NCAM2: variants seen among roughly 807,000 people sequenced by gnomAD.
NCAM2 encodes N-CAM-2.
In NCAM2, 30 loss-of-function variants were observed where a neutral mutation model predicts 98.1. The ratio of observed to expected loss-of-function variants is 0.31; its 90% confidence interval spans 0.23 to 0.41. The LOEUF (loss-of-function observed/expected upper bound fraction) is 0.41. NCAM2 is among the 10% of genes least tolerant of loss of function. The pLI is 1.00. For synonymous variants in NCAM2, 368 were observed against 342.4 expected, an observed-to-expected ratio of 1.07 and a Z score of -0.83; for missense variants, 867 against 1,005.8, an observed-to-expected ratio of 0.86 and a Z score of 1.87.
intron 1 of NCAM2, among the ~76,000 whole-genome samples, chr21:21,093,145 G>A (rs557154586): frequency 6.6e-6 from 1 of 152,056 alleles, no homozygotes; most frequent in Admixed American, 6.6e-5. Context: ...TTTGAATAAG[G>A]TGATGCTTAA....
At chr21:21,009,883 C>CTGTGTGTGTGTGTGTG (rs5842868) in intron 1 of NCAM2, among the ~76,000 whole-genome samples, 16,052 of 139,442 alleles carry the variant, frequency 0.12, 1,042 homozygotes, top group South Asian at 0.17. Flanking sequence ...CCTCTGATAG[C>CTGTGTGTGTGTGTGTG]TGTGTGTGTG....
intron 1 of NCAM2, among the ~76,000 whole-genome samples, chr21:21,200,360 A>C (rs981420920): frequency 6.7e-6 from 1 of 150,184 alleles, no homozygotes; most frequent in East Asian, 2.0e-4. Context: ...TAGTCCGTCA[A>C]CTCTCAGGAA....
At chr21:21,114,099 T>C (rs1442573731) in intron 1 of NCAM2, among the ~76,000 whole-genome samples, 1 of 152,094 alleles carries the variant, frequency 6.6e-6, no homozygotes, top group African/African-American at 2.4e-5. Context: ...TGAATACTTG[T>C]GAACAAAGAA....
chr21:21,117,413 G>A (rs893667042), intron 1 of NCAM2, among the ~76,000 whole-genome samples: 1 of 152,116 alleles, frequency 6.6e-6, no homozygotes, highest in Non-Finnish European at 1.5e-5. Flanking sequence ...TAAATATCTT[G>A]TAGAGGTTTC....
intron 9 of NCAM2, among the ~76,000 whole-genome samples, chr21:21,408,370 G>T (rs193213977): frequency 1.1e-4 from 17 of 152,284 alleles, no homozygotes; most frequent in Non-Finnish European, 1.9e-4. Flanking sequence ...TTTATGGGAT[G>T]TTAAGTTGTT....
chr21:21,269,538 C>A (rs1401129030), intron 1 of NCAM2, among the ~76,000 whole-genome samples: 2 of 152,086 alleles, frequency 1.3e-5, no homozygotes, highest in Non-Finnish European at 2.9e-5. Flanking sequence ...CTACACATGC[C>A]TTGTAATATT....
intron 1 of NCAM2, among the ~76,000 whole-genome samples, chr21:21,160,445 T>C (rs73226377): frequency 2.6e-5 from 4 of 152,196 alleles, no homozygotes; most frequent in South Asian, 2.1e-4. Flanking sequence ...AATATGAGAA[T>C]GGCTATTTTA....
intron 1 of NCAM2, among the ~76,000 whole-genome samples, chr21:21,051,550 C>G (rs1018696587): frequency 2.6e-5 from 4 of 152,154 alleles, no homozygotes; most frequent in African/African-American, 9.7e-5. Context: ...GTTTGCAACT[C>G]AGGTTTCTTA....
chr21:21,017,476 T>TATAGAGGGAGA (rs1243209592), intron 1 of NCAM2, among the ~76,000 whole-genome samples: 23 of 143,728 alleles, frequency 1.6e-4, no homozygotes, highest in African/African-American at 5.2e-4. Flanking sequence ...CAGAGTCTTC[T>TATAGAGGGAGA]ATAGAGGGAG....
intron 1 of NCAM2, among the ~76,000 whole-genome samples, chr21:21,078,295 A>T (rs146217592): frequency 6.6e-6 from 1 of 152,320 alleles, no homozygotes; most frequent in African/African-American, 2.4e-5. Flanking sequence ...AAAAAGATAA[A>T]TTAGTTCATT....
At chr21:21,448,701 A>G (rs532733000) in intron 12 of NCAM2, among the ~76,000 whole-genome samples, 59 of 152,174 alleles carry the variant, frequency 3.9e-4, no homozygotes, top group South Asian at 1.7e-3. Flanking sequence ...CTAAATGACT[A>G]TATTTCATAT....
At chr21:21,284,146 A>G (rs779235055) in intron 2 of NCAM2, 48 bp from the exon 3 acceptor site, 5 of 1,463,346 alleles carry the variant, frequency 3.4e-6, no homozygotes, top group Non-Finnish European at 4.8e-6. Flanking sequence ...TGTTCAAACA[A>G]ATATTTTTAA....
chr21:21,489,468 A>C (rs1908747414), intron 15 of NCAM2, among the ~76,000 whole-genome samples: 2 of 148,268 alleles, frequency 1.3e-5, no homozygotes, highest in African/African-American at 5.0e-5. Context: ...TGTCTCTCTT[A>C]TGCTTCCTTT....
chr21:21,333,441 A>C (rs1288285409), intron 6 of NCAM2, among the ~76,000 whole-genome samples: 1 of 152,166 alleles, frequency 6.6e-6, no homozygotes, highest in Non-Finnish European at 1.5e-5. Flanking sequence ...TTGTAAGTCC[A>C]CTAATGGAAT....
chr21:21,475,055 T>C lies in NCAM2; in HGVS notation c.1897-2236T>C, dbSNP rs182085211. 7.2e-5 allele frequency among the ~76,000 whole-genome samples: 10 copies of C among 139,086 alleles called. No homozygotes were observed. In the East Asian group the frequency reaches 7.8e-4, roughly 11 times the overall value. 91.2% of individuals were successfully genotyped at this position (139,086 alleles called of 152,430 possible). On this transcript the variant is annotated intron_variant, in intron 14 of 17. Transcript: ENST00000400546. ...TATATAATGCACATATATATATATA[T>C]ACACAATTTTTAAAAATTTATATGA...
intron 1 of NCAM2, among the ~76,000 whole-genome samples, chr21:21,020,022 T>C (rs182030860): frequency 7.2e-5 from 11 of 152,242 alleles, no homozygotes; most frequent in Middle Eastern, 3.4e-3. Flanking sequence ...CTTTTCTTTT[T>C]TCTTTTCCTA....
chr21:21,400,296 A>G (rs578030388), intron 9 of NCAM2, among the ~76,000 whole-genome samples: 29 of 152,346 alleles, frequency 1.9e-4, no homozygotes, highest in Non-Finnish European at 3.8e-4. Context: ...CTGCCTGTAC[A>G]GCTGCCATTT....
chr21:21,531,390 A>AT (rs1471262577), intron 16 of NCAM2, among the ~76,000 whole-genome samples: 1 of 152,180 alleles, frequency 6.6e-6, no homozygotes, highest in Admixed American at 6.5e-5. Context: ...GGTAACACTG[A>AT]TTGAGTGTGG....
chr21:21,068,135 CTTTTTTT>C (rs68078560), intron 1 of NCAM2, among the ~76,000 whole-genome samples: 2 of 88,558 alleles, frequency 2.3e-5, no homozygotes, highest in African/African-American at 8.1e-5. Flanking sequence ...ACTTTTTTTT[CTTTTTTT>C]TTTTTTTTTT....
Sources: allele counts gnomAD v4.1 joint callset (sites outside exome capture counted in the v4.1 genomes callset), GRCh38; gene constraint gnomAD v4.1.1; transcripts MANE v1.5; gene names NCBI Gene and HGNC (gene_info 2026-07-23, HGNC 2026-07-21).